The following GABBR2 variants were observed in gnomAD, a reference collection of about 807,000 sequenced individuals.
The protein encoded by GABBR2 is G-protein coupled receptor 51.
GABBR2 carries 23 observed loss-of-function variants against 105.6 expected under a neutral mutation model. The observed-to-expected ratio is 0.22, with a 90% CI of 0.16 to 0.31. The LOEUF (loss-of-function observed/expected upper bound fraction) is 0.31. Ranked by LOEUF, GABBR2 falls within the 10% of genes least tolerant of loss-of-function variation. The pLI, the probability that GABBR2 is intolerant of heterozygous loss-of-function variation, is 1.00. For missense variants in GABBR2, 734 were observed against 1,245.5 expected, an observed-to-expected ratio of 0.59 and a Z score of 6.18; for synonymous variants, 478 against 499.7, an observed-to-expected ratio of 0.96 and a Z score of 0.58.
intron 13 of GABBR2, among the ~76,000 whole-genome samples, chr9:98,322,997 A>G (rs534178523): frequency 6.6e-6 from 1 of 151,614 alleles, no homozygotes; most frequent in South Asian, 2.1e-4. Flanking sequence ...ACACTGTCCC[A>G]TTTCACCCAA....
At chr9:98,327,606 T>C (rs1830945475) in intron 13 of GABBR2, among the ~76,000 whole-genome samples, 1 of 152,052 alleles carries the variant, frequency 6.6e-6, no homozygotes, top group Non-Finnish European at 1.5e-5. Flanking sequence ...CAGTGGCTGA[T>C]GTCTGTAATC....
chr9:98,321,203 G>A (rs1830816589), intron 13 of GABBR2, among the ~76,000 whole-genome samples: 1 of 152,016 alleles, frequency 6.6e-6, no homozygotes, highest in Non-Finnish European at 1.5e-5. Flanking sequence ...AGCTGACGTG[G>A]GACAAGAAAC....
chr9:98,346,606 G>A (rs1335411518), intron 13 of GABBR2, among the ~76,000 whole-genome samples: 1 of 152,106 alleles, frequency 6.6e-6, no homozygotes, highest in African/African-American at 2.4e-5. Flanking sequence ...CTAGCTTTGT[G>A]AAAATATATA....
intron 1 of GABBR2, among the ~76,000 whole-genome samples, chr9:98,637,259 G>A (rs1395927532): frequency 2.0e-5 from 3 of 152,124 alleles, no homozygotes; most frequent in Non-Finnish European, 4.4e-5. Context: ...TGCTGCATGC[G>A]AAAAGGGAGA....
At chr9:98,445,481 C>G (rs1210352603) in intron 7 of GABBR2, among the ~76,000 whole-genome samples, 2 of 152,194 alleles carry the variant, frequency 1.3e-5, no homozygotes, top group East Asian at 3.8e-4. Context: ...ATGGGGTCCT[C>G]CAGAAACAAA....
intron 2 of GABBR2, among the ~76,000 whole-genome samples, chr9:98,570,919 C>A (rs1047045581): frequency 1.3e-5 from 2 of 152,178 alleles, no homozygotes; most frequent in African/African-American, 2.4e-5. Flanking sequence ...GTTAGGGGAC[C>A]AACCCAAGGC....
At chr9:98,387,648 C>T (rs546015855) in intron 10 of GABBR2, among the ~76,000 whole-genome samples, 72 of 152,170 alleles carry the variant, frequency 4.7e-4, no homozygotes, top group African/African-American at 1.6e-3. Context: ...AAAATAACCC[C>T]GGACACAGTG....
intron 1 of GABBR2, among the ~76,000 whole-genome samples, chr9:98,640,435 T>A (rs1031301740): frequency 6.6e-6 from 1 of 152,196 alleles, no homozygotes; most frequent in African/African-American, 2.4e-5. Flanking sequence ...TACCCTCATC[T>A]GGCAAGGCAT....
chr9:98,338,059 A>C (rs1831146934), intron 13 of GABBR2, among the ~76,000 whole-genome samples: 1 of 152,204 alleles, frequency 6.6e-6, no homozygotes, highest in African/African-American at 2.4e-5. Flanking sequence ...TTGCACAGCT[A>C]TATATCCACG....
chr9:98,302,379 G>A (rs975009339), intron 16 of GABBR2, among the ~76,000 whole-genome samples: 54 of 152,212 alleles, frequency 3.5e-4, no homozygotes, highest in African/African-American at 1.3e-3. Context: ...GAACACCCTG[G>A]AGAGTGGGGA....
rs529587642 is a variant in GABBR2 at position 98,583,191 on chromosome 9, A to C, written c.322-5119T>G. Among the ~76,000 whole-genome samples the C allele has an allele frequency of 2.0e-5, 3 of 152,358 alleles. No individual in the cohort carries two copies. In the South Asian group the frequency reaches 6.2e-4, roughly 32 times the overall value. On this transcript the variant is annotated intron_variant, in intron 1 of 18. Transcript: ENST00000259455. ...GGAGCAACTTTGCAGTGAATAACAA[A>C]ATAAATCACATGGATATATCTGTCC...
chr9:98,462,086 T>C (rs535867124), intron 6 of GABBR2, among the ~76,000 whole-genome samples: 1 of 152,216 alleles, frequency 6.6e-6, no homozygotes, highest in Admixed American at 6.5e-5. Context: ...CAAGACAGGG[T>C]GATTTTCAGA....
chr9:98,528,703 A>C (rs1588213306), intron 3 of GABBR2, among the ~76,000 whole-genome samples: 1 of 152,226 alleles, frequency 6.6e-6, no homozygotes, highest in South Asian at 2.1e-4. Flanking sequence ...AAATATTCTT[A>C]GTAAAAAAGA....
At chr9:98,364,728 G>C (rs1263414976) in intron 12 of GABBR2, among the ~76,000 whole-genome samples, 1 of 151,762 alleles carries the variant, frequency 6.6e-6, no homozygotes, top group Non-Finnish European at 1.5e-5. Flanking sequence ...AGCCTCCTGA[G>C]TAGCTGGGAT....
chr9:98,473,275 CCA>C lies in GABBR2; in HGVS notation c.868_869del (p.Trp290GlyfsTer49). The C allele has an allele frequency of 6.2e-7, 1 of 1,613,542 alleles. No homozygotes were observed. The highest frequency in any genetic ancestry group is 8.5e-7 in the Non-Finnish European group (1 of 1,179,642). ...IIPGWYEPSW[W>X]EQVHTEANSS... The stretch of plus-strand genomic sequence containing the variant: ...AGTTGGCTTCCGTGTGCACCTGCTC[CCA>C]CCAAGAAGGCTCGTACCAGCCCGGA... On this transcript the variant is annotated frameshift_variant, in exon 6 of 19. Coordinates refer to ENST00000259455, the MANE Select transcript of GABBR2 (RefSeq NM_005458.8). LOFTEE classifies it high-confidence loss of function.
At chr9:98,446,176 G>T (rs1826124521) in intron 7 of GABBR2, among the ~76,000 whole-genome samples, 1 of 152,078 alleles carries the variant, frequency 6.6e-6, no homozygotes, top group African/African-American at 2.4e-5. Flanking sequence ...GAAACAGAAT[G>T]GTATCTCATA....
In GABBR2 at chr9:98,420,456, C is replaced by T. The variant is rs529230567; in HGVS notation, c.1237-14315G>A. 6.2e-5 allele frequency among the ~76,000 whole-genome samples: 9 copies of T among 145,386 alleles called. No homozygotes were observed. The South Asian group carries it at 2.1e-3, about 33-fold the overall frequency. ...AGAAGAGTGAAGCGCTGGGTTCATG[C>T]AAAGAGTGTGTGGCCGGGAATTTAC... is the stretch of plus-strand genomic sequence containing the variant. On this transcript the variant is annotated intron_variant, in intron 7 of 18. Transcript: ENST00000259455.
intron 1 of GABBR2, among the ~76,000 whole-genome samples, chr9:98,595,332 A>G (rs1189566982): frequency 1.3e-5 from 2 of 151,732 alleles, no homozygotes; most frequent in Non-Finnish European, 2.9e-5. Context: ...CCTACCTCCT[A>G]ATACCATCAG....
At chr9:98,431,114 A>G (rs990538770) in intron 7 of GABBR2, among the ~76,000 whole-genome samples, 1 of 150,714 alleles carries the variant, frequency 6.6e-6, no homozygotes, top group East Asian at 2.0e-4. Flanking sequence ...CGCTTGCACA[A>G]CTCATTCCCT....
Sources: gnomAD v4.1 joint callset for allele counts (sites outside exome capture counted in the v4.1 genomes callset) on GRCh38, gnomAD v4.1.1 for gene constraint, MANE v1.5 for transcripts, NCBI Gene and HGNC (gene_info 2026-07-23, HGNC 2026-07-21) for gene names.